GPC6: variants seen among roughly 807,000 people sequenced by gnomAD.
The protein encoded by GPC6 is glypican 6, also known as glypican-6.
Under a neutral mutation model 55.2 loss-of-function variants are expected in GPC6, and 14 were observed. That is an observed-to-expected ratio of 0.25 (90% CI 0.17 to 0.40). The LOEUF is 0.40. Ranked by LOEUF, GPC6 falls within the 10% of genes least tolerant of loss-of-function variation. The pLI, the probability that GPC6 is intolerant of heterozygous loss-of-function variation, is 1.00. For synonymous variants in GPC6, 278 were observed against 259.6 expected, an observed-to-expected ratio of 1.07 and a Z score of -0.68; for missense variants, 641 against 708.5, an observed-to-expected ratio of 0.90 and a Z score of 1.08.
intron 3 of GPC6, among the ~76,000 whole-genome samples, chr13:93,871,095 G>A (rs1266072898): frequency 6.6e-6 from 1 of 151,872 alleles, no homozygotes; most frequent in Non-Finnish European, 1.5e-5. Context: ...TCTCTAAAAT[G>A]AGGAAGAGGC....
intron 1 of GPC6, among the ~76,000 whole-genome samples, chr13:93,421,126 A>G (rs1487517066): frequency 1.3e-5 from 2 of 152,080 alleles, no homozygotes; most frequent in African/African-American, 4.8e-5. Flanking sequence ...AACTAGAGGG[A>G]ATCAGCTGCA....
chr13:94,102,078 A>G (rs1885885119), intron 4 of GPC6, among the ~76,000 whole-genome samples: 1 of 152,046 alleles, frequency 6.6e-6, no homozygotes, highest in Admixed American at 6.6e-5. Flanking sequence ...TTATTATACC[A>G]TTATATAATA....
At chr13:93,925,182 T>C (rs559652836) in intron 3 of GPC6, among the ~76,000 whole-genome samples, 1 of 152,288 alleles carries the variant, frequency 6.6e-6, no homozygotes, top group South Asian at 2.1e-4. Context: ...CTGAAGATCA[T>C]TGAGATTTAC....
intron 4 of GPC6, among the ~76,000 whole-genome samples, chr13:94,264,233 G>A (rs564360134): frequency 2.6e-5 from 4 of 152,266 alleles, no homozygotes; most frequent in Admixed American, 1.3e-4. Context: ...TCTATGTTTG[G>A]CTAATTTATT....
intron 3 of GPC6, among the ~76,000 whole-genome samples, chr13:93,964,116 T>C (rs1879911046): frequency 6.6e-6 from 1 of 152,148 alleles, no homozygotes; most frequent in Non-Finnish European, 1.5e-5. Context: ...GGAAATAAAA[T>C]GAGATCATCT....
intron 3 of GPC6, among the ~76,000 whole-genome samples, chr13:93,943,006 G>A (rs1225605893): frequency 6.6e-6 from 1 of 152,044 alleles, no homozygotes; most frequent in Non-Finnish European, 1.5e-5. Context: ...TGGCCTCTAT[G>A]AGATGGATCT....
At chr13:94,298,225 T>C (rs1411438383) in intron 5 of GPC6, among the ~76,000 whole-genome samples, 1 of 152,242 alleles carries the variant, frequency 6.6e-6, no homozygotes, top group Non-Finnish European at 1.5e-5. Context: ...AGTTATCTTA[T>C]GTAATAGTAT....
intron 2 of GPC6, among the ~76,000 whole-genome samples, chr13:93,550,670 T>C (rs1875100932): frequency 6.6e-6 from 1 of 152,112 alleles, no homozygotes; most frequent in South Asian, 2.1e-4. Context: ...AACGTAATGA[T>C]TTTTTTAATA....
intron 3 of GPC6, among the ~76,000 whole-genome samples, chr13:93,947,711 G>A (rs1209198196): frequency 6.6e-6 from 1 of 151,894 alleles, no homozygotes; most frequent in Non-Finnish European, 1.5e-5. Flanking sequence ...CCGTACAAAA[G>A]TGGTTTCTTT....
chr13:93,709,124 T>G (rs1594389552), intron 2 of GPC6, among the ~76,000 whole-genome samples: 1 of 151,880 alleles, frequency 6.6e-6, no homozygotes, highest in Admixed American at 6.6e-5. Flanking sequence ...TTTTAGCATG[T>G]TACTTATTAT....
chr13:94,250,762 C>T (rs1399200966), intron 4 of GPC6, among the ~76,000 whole-genome samples: 1 of 152,060 alleles, frequency 6.6e-6, no homozygotes, highest in East Asian at 1.9e-4. Flanking sequence ...GTAGATAAAA[C>T]AAGATTGGCC....
chr13:93,378,756 G>T (rs1280872439), intron 1 of GPC6, among the ~76,000 whole-genome samples: 3 of 152,066 alleles, frequency 2.0e-5, no homozygotes, highest in African/African-American at 7.2e-5. Context: ...ACCGCTTTGG[G>T]AGGCCGCAGC....
intron 2 of GPC6, among the ~76,000 whole-genome samples, chr13:93,743,345 AT>A (rs1204912204): frequency 2.0e-5 from 3 of 152,328 alleles, no homozygotes; most frequent in South Asian, 4.1e-4. Flanking sequence ...CCTTAAAAAA[AT>A]GAAATAATAA....
intron 4 of GPC6, among the ~76,000 whole-genome samples, chr13:94,172,972 G>A (rs979818987): frequency 8.5e-5 from 13 of 152,162 alleles, no homozygotes; most frequent in African/African-American, 3.1e-4. Context: ...CAGTGGTTGA[G>A]AAGGACTTGA....
chr13:93,413,927 A>T (rs7998751), intron 1 of GPC6, among the ~76,000 whole-genome samples: 4,173 of 152,292 alleles, frequency 0.027, 198 homozygotes, highest in African/African-American at 0.096. Flanking sequence ...TTTAGGTTTC[A>T]TTCTTATAAA....
At chr13:94,319,853 C>T (rs1876727369) in intron 6 of GPC6, among the ~76,000 whole-genome samples, 2 of 152,156 alleles carry the variant, frequency 1.3e-5, no homozygotes, top group Non-Finnish European at 2.9e-5. Context: ...GTATAGATTT[C>T]TTTTTTTATT....
chr13:93,457,245 T>C (rs933280378), intron 1 of GPC6, among the ~76,000 whole-genome samples: 2 of 152,182 alleles, frequency 1.3e-5, no homozygotes, highest in African/African-American at 4.8e-5. Flanking sequence ...TGTGTCCAAC[T>C]TTCCCCTTTT....
intron 2 of GPC6, among the ~76,000 whole-genome samples, chr13:93,686,832 T>A (rs1882067913): frequency 6.6e-6 from 1 of 152,142 alleles, no homozygotes; most frequent in African/African-American, 2.4e-5. Context: ...GTATTCTTCA[T>A]TTAATGAAGA....
chr13:94,034,199 A>AGG, intron 4 of GPC6, among the ~76,000 whole-genome samples: 8 of 101,950 alleles, frequency 7.8e-5, no homozygotes, highest in South Asian at 4.8e-4. Flanking sequence ...GAAAGAAAGA[A>AGG]AGAAGGAAGG....
Sources: allele counts gnomAD v4.1 joint callset (sites outside exome capture counted in the v4.1 genomes callset), GRCh38; gene constraint gnomAD v4.1.1; transcripts MANE v1.5; gene names NCBI Gene and HGNC (gene_info 2026-07-23, HGNC 2026-07-21).